The following SMAP1 variants were observed in gnomAD, a reference collection of about 807,000 sequenced individuals.
The protein encoded by SMAP1 is small ArfGAP 1.
Under a neutral mutation model 58.5 loss-of-function variants are expected in SMAP1, and 24 were observed. That is an observed-to-expected ratio of 0.41 (90% confidence interval 0.30 to 0.58). The LOEUF (loss-of-function observed/expected upper bound fraction) is 0.58. SMAP1 is among the 20% of genes least tolerant of loss of function. The pLI, the probability that SMAP1 is intolerant of heterozygous loss-of-function variation, is 0.29. For synonymous variants in SMAP1, 216 were observed against 196.6 expected, an observed-to-expected ratio of 1.10 and a Z score of -0.82; for missense variants, 563 against 566.3, an observed-to-expected ratio of 0.99 and a Z score of 0.06.
chr6:70,737,795 A>T (rs1765672259), intron 2 of SMAP1, among the ~76,000 whole-genome samples: 1 of 152,148 alleles, frequency 6.6e-6, no homozygotes, highest in Admixed American at 6.5e-5. Flanking sequence ...ATGGAGAAAA[A>T]AGAATCATGC....
At chr6:70,742,948 G>GC (rs1242006215) in intron 2 of SMAP1, among the ~76,000 whole-genome samples, 1 of 152,040 alleles carries the variant, frequency 6.6e-6, no homozygotes, top group Non-Finnish European at 1.5e-5. Flanking sequence ...GGGGAAAACC[G>GC]CCCCCATGAT....
chr6:70,761,822 A>G (rs1411618031), intron 3 of SMAP1, among the ~76,000 whole-genome samples: 1 of 152,144 alleles, frequency 6.6e-6, no homozygotes, highest in Non-Finnish European at 1.5e-5. Flanking sequence ...CCGAGGCACC[A>G]AAGTATATAA....
At chr6:70,772,609 C>T (rs149695605) in intron 3 of SMAP1, among the ~76,000 whole-genome samples, 62 of 152,256 alleles carry the variant, frequency 4.1e-4, no homozygotes, top group Middle Eastern at 6.8e-3. Flanking sequence ...ATTGATGTCA[C>T]GTAACTCTAA....
chr6:70,837,354 T>C (rs757030749), intron 7 of SMAP1, among the ~76,000 whole-genome samples: 4 of 152,088 alleles, frequency 2.6e-5, no homozygotes, highest in Admixed American at 2.0e-4. Context: ...CTCTCTCTCT[T>C]TCTCGAATTT....
At chr6:70,821,064 T>TC (rs757603912) in intron 6 of SMAP1, among the ~76,000 whole-genome samples, 62 of 151,918 alleles carry the variant, frequency 4.1e-4, no homozygotes, top group Non-Finnish European at 7.2e-4. Context: ...TGTTAGGATT[T>TC]CCCCCCCTCC....
intron 7 of SMAP1, chr6:70,837,799 A>G (rs1318323993): frequency 1.6e-6 from 2 of 1,239,590 alleles, no homozygotes; most frequent in Non-Finnish European, 2.1e-6. Context: ...AAGATTGAGA[A>G]GGAAAAGAGT....
chr6:70,769,009 C>T (rs1767139671), intron 3 of SMAP1, among the ~76,000 whole-genome samples: 2 of 151,992 alleles, frequency 1.3e-5, no homozygotes, highest in African/African-American at 4.8e-5. Flanking sequence ...TCGTTATGTA[C>T]CCAGTAGTCA....
At chr6:70,717,001 ATTC>A (rs1167208603) in intron 1 of SMAP1, among the ~76,000 whole-genome samples, 3 of 152,132 alleles carry the variant, frequency 2.0e-5, no homozygotes, top group African/African-American at 7.2e-5. Context: ...GTAGGAGATG[ATTC>A]TTACCAGTTA....
In SMAP1 at chr6:70,798,725, T is replaced by C; in HGVS notation, c.564T>C (p.Leu188=). ...AGCCAGAAAAGCCGGCAAAACCACTTACAGCTGAAAAGGTAAAATTCTTTT... is the reference window on the plus strand; with the variant it reads ...AGCCAGAAAAGCCGGCAAAACCACTCACAGCTGAAAAGGTAAAATTCTTTT... ...EKEPEKPAKP[L]TAEKLQKKDQ... is the part of the protein sequence containing the mutation. Residue 188 remains leucine (L), a synonymous_variant, in exon 6 of 11, where the codon CTT becomes CTC. Transcript: ENST00000370455. 1.9e-6 allele frequency: 3 copies of C among 1,560,748 alleles called. No homozygotes were observed. The highest frequency in any genetic ancestry group is 2.6e-6 in the Non-Finnish European group (3 of 1,154,516).
chr6:70,733,647 A>T (rs1250423896), intron 2 of SMAP1, among the ~76,000 whole-genome samples: 1 of 152,168 alleles, frequency 6.6e-6, no homozygotes, highest in African/African-American at 2.4e-5. Context: ...AGTAGCTGTG[A>T]CTATAGGCAT....
intron 3 of SMAP1, among the ~76,000 whole-genome samples, chr6:70,771,924 C>T (rs1166312003): frequency 1.3e-5 from 2 of 152,200 alleles, no homozygotes; most frequent in African/African-American, 2.4e-5. Flanking sequence ...ACTTTTCAAC[C>T]TGCTTACTCC....
At chr6:70,806,735 T>G (rs996403282) in intron 6 of SMAP1, among the ~76,000 whole-genome samples, 2 of 152,218 alleles carry the variant, frequency 1.3e-5, no homozygotes, top group Non-Finnish European at 2.9e-5. Flanking sequence ...AAGCCATTAA[T>G]ATAGTTCTTG....
intron 7 of SMAP1, among the ~76,000 whole-genome samples, chr6:70,852,069 A>T (rs1771205851): frequency 6.6e-6 from 1 of 152,142 alleles, no homozygotes; most frequent in South Asian, 2.1e-4. Context: ...ACACACCCTC[A>T]CACATACATT....
At chr6:70,668,640 C>T (rs1309144255) in intron 1 of SMAP1, 1 of 1,535,756 alleles carries the variant, frequency 6.5e-7, no homozygotes, top group South Asian at 1.2e-5. Context: ...TGGAGCCCTA[C>T]CTGCCTGCCC....
intron 1 of SMAP1, among the ~76,000 whole-genome samples, chr6:70,680,747 C>G (rs1327926250): frequency 2.9e-5 from 3 of 104,900 alleles, no homozygotes; most frequent in African/African-American, 3.6e-5. Flanking sequence ...GAGTTGGAGT[C>G]TCACTGTGTC....
chr6:70,769,249 T>C (rs1229251857), intron 3 of SMAP1, among the ~76,000 whole-genome samples: 1 of 152,356 alleles, frequency 6.6e-6, no homozygotes, highest in East Asian at 1.9e-4. Flanking sequence ...TGGAGAGTTC[T>C]GTAGATGTCT....
intron 2 of SMAP1, among the ~76,000 whole-genome samples, chr6:70,745,274 C>T (rs1038629065): frequency 1.4e-4 from 21 of 152,138 alleles, no homozygotes; most frequent in African/African-American, 4.8e-4. Flanking sequence ...ATGGTATTGC[C>T]TACGTTTTCT....
intron 7 of SMAP1, among the ~76,000 whole-genome samples, chr6:70,838,118 T>C (rs549254200): frequency 6.6e-6 from 1 of 152,226 alleles, no homozygotes; most frequent in South Asian, 2.1e-4. Context: ...TTATTTCCTT[T>C]ACTGTAAATG....
At chr6:70,857,161 C>T in intron 9 of SMAP1, 131 bp downstream of exon 9, 2 of 861,504 alleles carry the variant, frequency 2.3e-6, no homozygotes, top group Non-Finnish European at 3.3e-6. Context: ...GTTTATACAA[C>T]TATGAAGCCG....
Sources: allele counts gnomAD v4.1 joint callset (sites outside exome capture counted in the v4.1 genomes callset), GRCh38; gene constraint gnomAD v4.1.1; transcripts MANE v1.5; gene names NCBI Gene and HGNC (gene_info 2026-07-23, HGNC 2026-07-21).